The following TCEA1 variants were observed in gnomAD, a reference collection of about 807,000 sequenced individuals.
TCEA1 encodes transcription elongation factor A1.
In TCEA1, 21 loss-of-function variants were observed where a neutral mutation model predicts 43.8. The observed-to-expected ratio is 0.48, with a 90% CI of 0.34 to 0.69. The LOEUF (loss-of-function observed/expected upper bound fraction) is 0.69, where lower values mean the gene tolerates loss of function less well. Among genes scored for constraint, TCEA1 ranks in the 30% least tolerant of loss-of-function variants. The probability of loss-of-function intolerance (pLI) is 0.01; values close to 1 mark genes in which losing one functional copy is unlikely to be tolerated. For synonymous variants in TCEA1, 104 were observed against 117.5 expected (o/e 0.88, Z 0.75); for missense variants, 250 against 365.1 (o/e 0.68, Z 2.57).
In TCEA1 at chr8:53,970,177, A is replaced by C. The variant is rs1296567321; in HGVS notation, c.897+215T>G. Reference sequence around the variant, plus strand: ...ATTCACTCCCCATTTCCTGCACCAAAACAAATAAAGGTGGTAAAGTCAAGT... The same window carrying C: ...ATTCACTCCCCATTTCCTGCACCAACACAAATAAAGGTGGTAAAGTCAAGT... On this transcript the variant is annotated intron_variant, in intron 9 of 9. Transcript: ENST00000521604. 6 of 571,312 alleles carry C rather than the reference A, an allele frequency of 1.1e-5. No homozygotes were observed. In the East Asian group the frequency reaches 1.5e-4, roughly 14 times the overall value. The allele number at this position is 571,312 out of a possible 1,614,324, so 35.4% of individuals were successfully genotyped here. A position where few individuals can be genotyped will look rare whatever the true frequency, so the allele number is the denominator to read the frequency against.
At chr8:53,984,596 TC>T in intron 6 of TCEA1, 79 bp from the exon 7 acceptor site, 1 of 1,321,586 alleles carries the variant, frequency 7.6e-7, no homozygotes, top group East Asian at 2.6e-5. Flanking sequence ...AAATAAGAAT[TC>T]CTGAGGCCAG....
intron 2 of TCEA1, among the ~76,000 whole-genome samples, chr8:54,003,827 A>G (rs528437776): frequency 9.9e-5 from 15 of 152,272 alleles, no homozygotes; most frequent in African/African-American, 3.6e-4. Flanking sequence ...TTCAATGAAC[A>G]CCATCGAGAA....
At chr8:54,014,014 G>A (rs1804741879) in intron 1 of TCEA1, among the ~76,000 whole-genome samples, 2 of 152,164 alleles carry the variant, frequency 1.3e-5, no homozygotes, top group African/African-American at 2.4e-5. Flanking sequence ...GGATACAGCA[G>A]TGAGCAAGAC....
intron 2 of TCEA1, among the ~76,000 whole-genome samples, chr8:54,002,221 C>T (rs376783676): frequency 6.6e-6 from 1 of 151,778 alleles, no homozygotes; most frequent in African/African-American, 2.4e-5. Flanking sequence ...CCTGTAATCC[C>T]AGCACTCTGG....
chr8:53,994,524 T>C (rs1051533261), intron 3 of TCEA1, among the ~76,000 whole-genome samples: 3 of 152,118 alleles, frequency 2.0e-5, no homozygotes, highest in Non-Finnish European at 4.4e-5. Context: ...ACCCAGTACC[T>C]TCTCTATCTT....
At chr8:54,016,275 G>C (rs927209872) in intron 1 of TCEA1, among the ~76,000 whole-genome samples, 3 of 152,012 alleles carry the variant, frequency 2.0e-5, no homozygotes, top group Non-Finnish European at 2.9e-5. Flanking sequence ...AGGAGATCGA[G>C]ACCATCCTGG....
intron 2 of TCEA1, among the ~76,000 whole-genome samples, chr8:54,006,546 GAAA>G (rs1804466885): frequency 6.6e-6 from 1 of 152,238 alleles, no homozygotes; most frequent in South Asian, 2.1e-4. Flanking sequence ...GGAAGCACAG[GAAA>G]AAATTAGAGA....
At chr8:54,002,156 A>G (rs545620472) in intron 2 of TCEA1, among the ~76,000 whole-genome samples, 12 of 151,648 alleles carry the variant, frequency 7.9e-5, no homozygotes, top group African/African-American at 2.9e-4. Context: ...AGCCTGGGCG[A>G]CAGAGCAAGA....
chr8:54,003,593 G>T (rs1327222622), intron 2 of TCEA1, among the ~76,000 whole-genome samples: 1 of 152,056 alleles, frequency 6.6e-6, no homozygotes, highest in Non-Finnish European at 1.5e-5. Flanking sequence ...ATTCATTGGA[G>T]AAAAGAATAT....
At chr8:53,969,952 C>T (rs1803106880) in intron 9 of TCEA1, among the ~76,000 whole-genome samples, 1 of 152,140 alleles carries the variant, frequency 6.6e-6, no homozygotes, top group Non-Finnish European at 1.5e-5. Flanking sequence ...TACCAAATGA[C>T]AGCAGTGCTC....
chr8:53,993,902 A>G, intron 3 of TCEA1, 147 bp from the exon 4 acceptor site: 1 of 639,922 alleles, frequency 1.6e-6, no homozygotes. Context: ...TAGCATATGT[A>G]CTATTTTTCA....
chr8:53,968,678 C>A (rs1803063523), intron 9 of TCEA1, among the ~76,000 whole-genome samples: 1 of 151,910 alleles, frequency 6.6e-6, no homozygotes, highest in Admixed American at 6.6e-5. Flanking sequence ...CCCGTCTCTA[C>A]TAAAATACAA....
Position 54,010,493 on chromosome 8 carries a change from C to A in TCEA1, c.64-1G>T. ...CCTTTAGCAAATCCAATGCTCCAGC[C>A]TATAAAATAAAATAATTTCATATTG... On this transcript the variant is annotated splice_acceptor_variant, in intron 1 of 9. Transcript: ENST00000521604. LOFTEE classifies it high-confidence loss of function. The A allele has an allele frequency of 6.3e-7, 1 of 1,593,364 alleles. No homozygotes were observed. Among genetic ancestry groups the A allele is most frequent in the Non-Finnish European group, 8.5e-7 (1 of 1,171,256 alleles).
chr8:54,009,808 GAA>G (rs1482988669), intron 2 of TCEA1: 3 of 152,212 alleles, frequency 2.0e-5, no homozygotes, highest in African/African-American at 7.2e-5. Context: ...AAAATAGCGA[GAA>G]GAGAGGGCTT....
chr8:54,014,959 T>C (rs1243217034), intron 1 of TCEA1, among the ~76,000 whole-genome samples: 2 of 152,116 alleles, frequency 1.3e-5, no homozygotes, highest in Non-Finnish European at 2.9e-5. Flanking sequence ...AGTATCAAAA[T>C]AGAGGGTCTG....
intron 2 of TCEA1, among the ~76,000 whole-genome samples, chr8:54,009,399 T>G (rs1173757629): frequency 1.3e-5 from 2 of 152,134 alleles, no homozygotes; most frequent in Non-Finnish European, 2.9e-5. Flanking sequence ...CTATTCACAA[T>G]AGCCAAGATA....
chr8:54,021,274 T>C (rs1197571158), intron 1 of TCEA1, among the ~76,000 whole-genome samples: 4 of 152,192 alleles, frequency 2.6e-5, no homozygotes, highest in African/African-American at 7.2e-5. Flanking sequence ...TAGAAACTGG[T>C]CGTATGAGGA....
intron 1 of TCEA1, among the ~76,000 whole-genome samples, chr8:54,016,978 CAAA>C (rs1159105172): frequency 0.14 from 9,286 of 67,058 alleles, 513 homozygotes; most frequent in African/African-American, 0.32. Context: ...GACTCCGTCT[CAAA>C]AAAAAAAAAA....
intron 2 of TCEA1, among the ~76,000 whole-genome samples, chr8:54,000,997 G>A (rs1804238647): frequency 6.6e-6 from 1 of 152,020 alleles, no homozygotes; most frequent in East Asian, 1.9e-4. Flanking sequence ...GACCTCAGGT[G>A]ATCCACACAC....
Sources: gnomAD v4.1 joint callset for allele counts (sites outside exome capture counted in the v4.1 genomes callset) on GRCh38, gnomAD v4.1.1 for gene constraint, MANE v1.5 for transcripts, NCBI Gene and HGNC (gene_info 2026-07-23, HGNC 2026-07-21) for gene names.